PLEKHM3: variants seen among roughly 807,000 people sequenced by gnomAD.
The protein encoded by PLEKHM3 is pleckstrin homology domain-containing family M member 3.
PLEKHM3 carries 45 observed loss-of-function variants against 81.8 expected under a neutral mutation model. The observed-to-expected ratio is 0.55, with a 90% CI of 0.43 to 0.71. The LOEUF (loss-of-function observed/expected upper bound fraction) is 0.71. Among genes scored for constraint, PLEKHM3 ranks in the 30% least tolerant of loss-of-function variants. The probability of loss-of-function intolerance (pLI) is 0.00; values close to 1 mark genes in which losing one functional copy is unlikely to be tolerated. For missense variants in PLEKHM3, 788 were observed against 924.3 expected, an observed-to-expected ratio of 0.85 and a Z score of 1.91; for synonymous variants, 352 against 356.4, an observed-to-expected ratio of 0.99 and a Z score of 0.14.
chr2:207,928,186 G>T (rs891218301), intron 5 of PLEKHM3, among the ~76,000 whole-genome samples: 8 of 152,162 alleles, frequency 5.3e-5, no homozygotes, highest in African/African-American at 1.9e-4. Flanking sequence ...AAATAAAGCA[G>T]TGCTTCCTCA....
chr2:208,012,890 T>G (rs1045504623), intron 1 of PLEKHM3, among the ~76,000 whole-genome samples: 1 of 152,206 alleles, frequency 6.6e-6, no homozygotes, highest in African/African-American at 2.4e-5. Context: ...ACATAACCAT[T>G]TATCCTCAAC....
At chr2:207,995,616 C>T (rs1248125688) in intron 2 of PLEKHM3, among the ~76,000 whole-genome samples, 1 of 152,146 alleles carries the variant, frequency 6.6e-6, no homozygotes, top group East Asian at 1.9e-4. Flanking sequence ...GTTTCATCAT[C>T]CTTAAAACGG....
intron 7 of PLEKHM3, among the ~76,000 whole-genome samples, chr2:207,847,911 G>A (rs2092393092): frequency 6.6e-6 from 1 of 152,204 alleles, no homozygotes; most frequent in Admixed American, 6.5e-5. Flanking sequence ...AGCCAAGGCT[G>A]TTGTTCTCTA....
chr2:207,865,799 A>ATATATATATATATATAT (rs1227503454), intron 6 of PLEKHM3, among the ~76,000 whole-genome samples: 1 of 35,110 alleles, frequency 2.8e-5, no homozygotes, highest in African/African-American at 1.8e-4. Flanking sequence ...AAAAAAAAAA[A>ATATATATATATATATAT]AAAGATATAT....
Position 207,824,239 on chromosome 2 carries a change from A to G in PLEKHM3, c.*4080T>C, listed in dbSNP as rs1302891949. Reference sequence around the variant, plus strand: ...TGCTCCAACTTCACGTTTTCACATTATTTCAGAGTAAGAAAAGAAGTGGTG... The same window carrying G: ...TGCTCCAACTTCACGTTTTCACATTGTTTCAGAGTAAGAAAAGAAGTGGTG... On this transcript the variant is annotated 3_prime_UTR_variant, in exon 8 of 8. Transcript: ENST00000427836. The G allele has an allele frequency of 2.6e-5, 4 of 152,362 alleles. No homozygotes were observed. Among genetic ancestry groups the G allele is most frequent in the African/African-American group, 9.6e-5 (4 of 41,576 alleles). 9.4% of individuals were successfully genotyped at this position (152,362 alleles called of 1,614,324 possible). A position where few individuals can be genotyped will look rare whatever the true frequency, so the allele number is the denominator to read the frequency against.
chr2:208,011,691 T>TA (rs1692697621), intron 1 of PLEKHM3, among the ~76,000 whole-genome samples: 1 of 148,936 alleles, frequency 6.7e-6, no homozygotes, highest in Non-Finnish European at 1.5e-5. Flanking sequence ...TGCACCAAAA[T>TA]CTCACAAGTC....
At chr2:207,898,314 C>T (rs146571798) in intron 6 of PLEKHM3, among the ~76,000 whole-genome samples, 14 of 152,262 alleles carry the variant, frequency 9.2e-5, no homozygotes, top group Admixed American at 8.5e-4. Flanking sequence ...TAACAGCTGC[C>T]CCTTTCAGAT....
At chr2:207,846,114 G>C (rs1029161970) in intron 7 of PLEKHM3, among the ~76,000 whole-genome samples, 1 of 152,094 alleles carries the variant, frequency 6.6e-6, no homozygotes, top group African/African-American at 2.4e-5. Context: ...GAACGACATC[G>C]AGACTTCTTT....
At chr2:207,990,889 C>T (rs1246980559) in intron 2 of PLEKHM3, among the ~76,000 whole-genome samples, 2 of 152,166 alleles carry the variant, frequency 1.3e-5, no homozygotes, top group African/African-American at 2.4e-5. Context: ...AAAAGATTAC[C>T]TATGTCAGCT....
At chr2:207,882,144 A>G (rs541456053) in intron 6 of PLEKHM3, among the ~76,000 whole-genome samples, 5 of 152,234 alleles carry the variant, frequency 3.3e-5, no homozygotes, top group Admixed American at 2.0e-4. Flanking sequence ...TGCCAGTAAC[A>G]TATTTTAGTC....
intron 7 of PLEKHM3, among the ~76,000 whole-genome samples, chr2:207,848,714 A>T (rs1288832924): frequency 6.6e-6 from 1 of 152,250 alleles, no homozygotes; most frequent in East Asian, 1.9e-4. Flanking sequence ...CCATGCCCCA[A>T]CAAGTTTAGG....
chr2:207,864,316 C>T (rs2092484165), intron 6 of PLEKHM3, among the ~76,000 whole-genome samples: 1 of 152,208 alleles, frequency 6.6e-6, no homozygotes, highest in African/African-American at 2.4e-5. Flanking sequence ...AATACCAACA[C>T]ATGAGATATA....
At position 207,865,859 on chromosome 2, in the gene PLEKHM3, G is replaced by C. The variant is rs199801471; in HGVS notation, c.1951-4597C>G. ...ATATACTTTCTGTCTTTATAGATTT[G>C]CCTATTCTGGAGCTTTCATGTAAAT... is the stretch of plus-strand genomic sequence containing the variant. On this transcript the variant is annotated intron_variant, in intron 6 of 7. Transcript: ENST00000427836. Among the ~76,000 whole-genome samples, 34 of 108,446 alleles carry C rather than the reference G, an allele frequency of 3.1e-4. No individual in the cohort carries two copies. In the East Asian group the frequency reaches 1.0e-2, roughly 32 times the overall value. The allele number at this position is 108,446 out of a possible 152,430, so 71.1% of individuals were successfully genotyped here. A position where few individuals can be genotyped will look rare whatever the true frequency, so the allele number is the denominator to read the frequency against.
chr2:207,963,101 G>A (rs1457085218), intron 3 of PLEKHM3, among the ~76,000 whole-genome samples: 12 of 152,276 alleles, frequency 7.9e-5, no homozygotes, highest in African/African-American at 2.9e-4. Context: ...TTACAGTGGA[G>A]AGAATCTGAT....
chr2:208,024,577 T>C (rs2106139700), intron 1 of PLEKHM3, among the ~76,000 whole-genome samples: 1 of 152,350 alleles, frequency 6.6e-6, no homozygotes, highest in African/African-American at 2.4e-5. Context: ...CTGCCTTGTA[T>C]TTTAAGTATG....
intron 3 of PLEKHM3, among the ~76,000 whole-genome samples, chr2:207,966,421 C>T (rs1690909799): frequency 6.6e-6 from 1 of 152,208 alleles, no homozygotes; most frequent in African/African-American, 2.4e-5. Flanking sequence ...TAGTAACCCT[C>T]TTTTCTCCTC....
At chr2:207,903,331 G>A (rs1367357378) in intron 6 of PLEKHM3, among the ~76,000 whole-genome samples, 1 of 152,238 alleles carries the variant, frequency 6.6e-6, no homozygotes, top group East Asian at 1.9e-4. Flanking sequence ...CTCACAAGAG[G>A]GGTGTGTGTG....
chr2:207,829,596 A>G (rs918931822), intron 7 of PLEKHM3, among the ~76,000 whole-genome samples: 4 of 151,926 alleles, frequency 2.6e-5, no homozygotes, highest in Non-Finnish European at 5.9e-5. Flanking sequence ...TTTAATAATG[A>G]GTAACTGACA....
At chr2:207,927,561 G>A (rs1689442285) in intron 5 of PLEKHM3, among the ~76,000 whole-genome samples, 2 of 150,392 alleles carry the variant, frequency 1.3e-5, no homozygotes, top group Admixed American at 1.3e-4. Context: ...TGGGTGTGGT[G>A]GCTCACACCT....
Sources: allele counts gnomAD v4.1 joint callset (sites outside exome capture counted in the v4.1 genomes callset), GRCh38; gene constraint gnomAD v4.1.1; transcripts MANE v1.5; gene names NCBI Gene and HGNC (gene_info 2026-07-23, HGNC 2026-07-21).